The following SPIDR variants were observed in gnomAD, a reference collection of about 807,000 sequenced individuals.
The protein encoded by SPIDR is DNA repair-scaffolding protein.
Under a neutral mutation model 104.6 loss-of-function variants are expected in SPIDR, and 93 were observed. That is an observed-to-expected ratio of 0.89 (90% CI 0.75 to 1.06). The LOEUF (loss-of-function observed/expected upper bound fraction) is 1.06, where lower values mean the gene tolerates loss of function less well. Ranked by LOEUF, SPIDR falls within the 50% of genes least tolerant of loss-of-function variation. The pLI is 0.00. For missense variants in SPIDR, 1,154 were observed against 1,111.2 expected, an observed-to-expected ratio of 1.04 and a Z score of -0.55; for synonymous variants, 431 against 416.9, an observed-to-expected ratio of 1.03 and a Z score of -0.41.
At chr8:47,582,827 TACACAC>T (rs72295566) in intron 8 of SPIDR, among the ~76,000 whole-genome samples, 5,701 of 130,196 alleles carry the variant, frequency 0.044, 193 homozygotes, top group African/African-American at 0.092. Flanking sequence ...AACAACAAAT[TACACAC>T]ACACACACAC....
chr8:47,426,894 T>G (rs1765223491), intron 7 of SPIDR, among the ~76,000 whole-genome samples: 1 of 152,192 alleles, frequency 6.6e-6, no homozygotes, highest in Non-Finnish European at 1.5e-5. Context: ...TTCCAGCACA[T>G]TAACTTTGGG....
intron 1 of SPIDR, among the ~76,000 whole-genome samples, chr8:47,272,029 C>T (rs1239562646): frequency 1.3e-5 from 2 of 151,968 alleles, no homozygotes; most frequent in Non-Finnish European, 2.9e-5. Context: ...GGCTGTAGTG[C>T]AATGGCACGA....
intron 10 of SPIDR, among the ~76,000 whole-genome samples, chr8:47,647,651 AGAGG>A (rs1346540858): frequency 7.4e-5 from 9 of 121,972 alleles, no homozygotes; most frequent in African/African-American, 1.4e-4. Flanking sequence ...AGAGAGAGAG[AGAGG>A]GAGAGAGAGA....
At chr8:47,465,114 C>A (rs1554716205) in intron 8 of SPIDR, among the ~76,000 whole-genome samples, 2 of 152,150 alleles carry the variant, frequency 1.3e-5, no homozygotes, top group Non-Finnish European at 2.9e-5. Context: ...CATATCCAGC[C>A]AAACTAAGCC....
chr8:47,426,669 A>T (rs1468007145), intron 7 of SPIDR, among the ~76,000 whole-genome samples: 3 of 152,240 alleles, frequency 2.0e-5, no homozygotes, highest in Non-Finnish European at 4.4e-5. Context: ...TGATAAAGAA[A>T]TTTATTTCTC....
At chr8:47,454,758 TG>T (rs1374913571) in intron 8 of SPIDR, among the ~76,000 whole-genome samples, 1 of 152,036 alleles carries the variant, frequency 6.6e-6, no homozygotes, top group Non-Finnish European at 1.5e-5. Context: ...CTCAATGACT[TG>T]GGAGACTGAG....
intron 8 of SPIDR, among the ~76,000 whole-genome samples, chr8:47,523,318 C>T (rs1010992133): frequency 3.3e-5 from 5 of 152,102 alleles, no homozygotes; most frequent in African/African-American, 7.2e-5. Context: ...AAGGATATTA[C>T]CCAAAGGTCA....
intron 5 of SPIDR, among the ~76,000 whole-genome samples, chr8:47,336,380 GA>G: frequency 6.6e-6 from 1 of 152,328 alleles, no homozygotes; most frequent in East Asian, 1.9e-4. Flanking sequence ...CTGAGACAAA[GA>G]GTATTGCCAA....
At chr8:47,318,044 C>T (rs2045757651) in intron 5 of SPIDR, among the ~76,000 whole-genome samples, 1 of 152,184 alleles carries the variant, frequency 6.6e-6, no homozygotes, top group African/African-American at 2.4e-5. Context: ...TGCCTCTCCT[C>T]CTCCAAAGGA....
intron 9 of SPIDR, among the ~76,000 whole-genome samples, chr8:47,598,356 C>A (rs1248076264): frequency 6.6e-6 from 1 of 152,118 alleles, no homozygotes; most frequent in Non-Finnish European, 1.5e-5. Flanking sequence ...TATTATCTAT[C>A]TTCTTGGGTG....
At chr8:47,482,974 T>C (rs2077069318) in intron 8 of SPIDR, among the ~76,000 whole-genome samples, 1 of 152,108 alleles carries the variant, frequency 6.6e-6, no homozygotes, top group Non-Finnish European at 1.5e-5. Flanking sequence ...AAATTCCCAC[T>C]TGCTGGCTGC....
Position 47,466,940 on chromosome 8 carries a change from G to T in SPIDR, c.1097+26398G>T, listed in dbSNP as rs143782316. Among the ~76,000 whole-genome samples the T allele has an allele frequency of 8.9e-3, 1,229 of 138,242 alleles. 27 individuals carry two copies. Among genetic ancestry groups the T allele is most frequent in the Non-Finnish European group, 0.012 (796 of 64,212 alleles). 90.7% of individuals were successfully genotyped at this position (138,242 alleles called of 152,430 possible). ...AGATAGATAGATAGATAGATAGATA[G>T]ATAGATAGATATAAAAAATAGACTG... On this transcript the variant is annotated intron_variant, in intron 8 of 19. Coordinates refer to ENST00000297423, the MANE Select transcript of SPIDR (RefSeq NM_001080394.4).
chr8:47,722,142 A>G (rs2083493406), intron 16 of SPIDR, among the ~76,000 whole-genome samples: 1 of 152,094 alleles, frequency 6.6e-6, no homozygotes. Context: ...TTTTGTTGCT[A>G]TTGTAAATAG....
At chr8:47,728,734 TGCTACTCGA>T (rs2084714204) in intron 17 of SPIDR, 190 bp from the exon 18 acceptor site, 2 of 538,634 alleles carry the variant, frequency 3.7e-6, no homozygotes, top group African/African-American at 3.9e-5. Context: ...GTGCTACTCG[TGCTACTCGA>T]AGCTAATGTT....
At chr8:47,463,265 G>T (rs1319860965) in intron 8 of SPIDR, among the ~76,000 whole-genome samples, 1 of 151,846 alleles carries the variant, frequency 6.6e-6, no homozygotes, top group African/African-American at 2.4e-5. Flanking sequence ...GGAGGCTGAG[G>T]CAGGAGAATG....
chr8:47,637,042 T>G (rs1334127202), intron 10 of SPIDR, among the ~76,000 whole-genome samples: 2 of 152,132 alleles, frequency 1.3e-5, no homozygotes, highest in African/African-American at 4.8e-5. Context: ...CACAAATATA[T>G]TCTACTTTTG....
Position 47,531,435 on chromosome 8 carries a change from G to A in SPIDR, c.1098-64376G>A, listed in dbSNP as rs186254827. Among the ~76,000 whole-genome samples, 69 of 152,136 alleles carry A rather than the reference G, an allele frequency of 4.5e-4. 1 individual carries two copies. The East Asian group carries it at 0.011, about 25-fold the overall frequency. ...TCTTGAGGAGATGTCATTCCTTTTA[G>A]AAATATATCCATGGTAGATCACTTG... On this transcript the variant is annotated intron_variant, in intron 8 of 19. Transcript: ENST00000297423.
chr8:47,668,127 C>G (rs1232522575), intron 10 of SPIDR, among the ~76,000 whole-genome samples: 1 of 152,050 alleles, frequency 6.6e-6, no homozygotes, highest in African/African-American at 2.4e-5. Context: ...TTCTAACTGT[C>G]AAAACACAGA....
At chr8:47,502,496 T>C (rs1329084484) in intron 8 of SPIDR, among the ~76,000 whole-genome samples, 1 of 152,224 alleles carries the variant, frequency 6.6e-6, no homozygotes, top group Non-Finnish European at 1.5e-5. Context: ...ACCTCCTTTA[T>C]CATTTTTTAT....
Sources: allele counts gnomAD v4.1 joint callset (sites outside exome capture counted in the v4.1 genomes callset), GRCh38; gene constraint gnomAD v4.1.1; transcripts MANE v1.5; gene names NCBI Gene and HGNC (gene_info 2026-07-23, HGNC 2026-07-21).